The following TGFBR3 variants were observed in gnomAD, a reference collection of about 807,000 sequenced individuals.
TGFBR3 encodes the protein transforming growth factor beta receptor type 3.
TGFBR3 carries 46 observed loss-of-function variants against 87.9 expected under a neutral mutation model. The ratio of observed to expected loss-of-function variants is 0.52; its 90% CI spans 0.41 to 0.67. The LOEUF is 0.67. Ranked by LOEUF, TGFBR3 falls within the 30% of genes least tolerant of loss-of-function variation. TGFBR3 has a pLI of 0.00. For synonymous variants in TGFBR3, 381 were observed against 391.6 expected, an observed-to-expected ratio of 0.97 and a Z score of 0.32; for missense variants, 866 against 1,041.9, an observed-to-expected ratio of 0.83 and a Z score of 2.32.
intron 2 of TGFBR3, among the ~76,000 whole-genome samples, chr1:91,828,338 A>G (rs934092155): frequency 8.5e-5 from 13 of 152,204 alleles, no homozygotes; most frequent in African/African-American, 2.9e-4. Context: ...TCAAAGGAAA[A>G]AGAGTTTGCC....
chr1:91,779,597 G>T (rs1674692791), intron 3 of TGFBR3, among the ~76,000 whole-genome samples: 1 of 152,220 alleles, frequency 6.6e-6, no homozygotes, highest in African/African-American at 2.4e-5. Context: ...AATAGGATTG[G>T]ATATGACATC....
chr1:91,830,665 A>G (rs12726500), intron 2 of TGFBR3, among the ~76,000 whole-genome samples: 1 of 151,814 alleles, frequency 6.6e-6, no homozygotes, highest in African/African-American at 2.4e-5. Flanking sequence ...CAGATACACA[A>G]GTGATTTCAG....
chr1:91,738,437 C>G (rs1419759658), intron 4 of TGFBR3, among the ~76,000 whole-genome samples: 1 of 152,116 alleles, frequency 6.6e-6, no homozygotes, highest in Non-Finnish European at 1.5e-5. Context: ...TTAGGCCATC[C>G]CCTTGGTAAT....
intron 6 of TGFBR3, 133 bp downstream of exon 6, chr1:91,729,672 C>A (rs761322781): frequency 2.5e-5 from 25 of 1,015,968 alleles, no homozygotes; most frequent in Non-Finnish European, 3.7e-5. Context: ...TTCCCTCCTG[C>A]GTGAAGCATC....
intron 2 of TGFBR3, among the ~76,000 whole-genome samples, chr1:91,806,754 C>T (rs1675848680): frequency 6.6e-6 from 1 of 152,150 alleles, no homozygotes. Context: ...ATTCTAATGA[C>T]ACCATTGGCT....
chr1:91,757,290 T>C (rs1018824950), intron 4 of TGFBR3, among the ~76,000 whole-genome samples: 39 of 152,226 alleles, frequency 2.6e-4, no homozygotes, highest in African/African-American at 9.2e-4. Context: ...CTGGCAAAAA[T>C]ACCACAAAAG....
At chr1:91,809,000 A>G (rs1329252834) in intron 2 of TGFBR3, among the ~76,000 whole-genome samples, 2 of 152,242 alleles carry the variant, frequency 1.3e-5, no homozygotes, top group Non-Finnish European at 2.9e-5. Context: ...ATACAAAATA[A>G]CTGAAGGATA....
intron 4 of TGFBR3, among the ~76,000 whole-genome samples, chr1:91,738,266 T>C (rs1247720873): frequency 1.3e-5 from 2 of 152,228 alleles, no homozygotes; most frequent in East Asian, 3.8e-4. Flanking sequence ...ACATTAGCTT[T>C]GGCATCAGCT....
intron 15 of TGFBR3, among the ~76,000 whole-genome samples, chr1:91,696,701 A>G (rs907452548): frequency 2.0e-5 from 3 of 152,242 alleles, no homozygotes; most frequent in South Asian, 4.1e-4. Context: ...GGTTTTGAAT[A>G]TAAGTGGGAA....
chr1:91,850,063 A>G (rs1677662203), intron 2 of TGFBR3, among the ~76,000 whole-genome samples: 1 of 144,984 alleles, frequency 6.9e-6, no homozygotes, highest in African/African-American at 2.6e-5. Context: ...CCTGGGCAAC[A>G]GAGCAAGACT....
At chr1:91,752,784 A>G (rs1316850019) in intron 4 of TGFBR3, among the ~76,000 whole-genome samples, 1 of 152,098 alleles carries the variant, frequency 6.6e-6, no homozygotes, top group African/African-American at 2.4e-5. Context: ...GTACTTTGGG[A>G]GGCCAAGGCA....
rs181487368 is a variant in TGFBR3 at position 91,861,624 on chromosome 1, T to C, written c.-93A>G. ...AAATCAGAAGTAGTCTTAAAGTCCC[T>C]CCTTGCAATTTTCAAACTGCCTGTA... is the stretch of plus-strand genomic sequence containing the variant. On this transcript the variant is annotated 5_prime_UTR_variant, in exon 2 of 17. Transcript: ENST00000212355. 1.5e-5 allele frequency: 15 copies of C among 987,772 alleles called. No individual in the cohort carries two copies. The highest frequency in any genetic ancestry group is 4.1e-4 in the Middle Eastern group (2 of 4,878). 61.2% of individuals were successfully genotyped at this position (987,772 alleles called of 1,614,324 possible). A position where few individuals can be genotyped will look rare whatever the true frequency, so the allele number is the denominator to read the frequency against.
rs566427028 is a variant in TGFBR3 at position 91,881,878 on chromosome 1, A to C, written c.-114+4000T>G. 7.2e-5 allele frequency among the ~76,000 whole-genome samples: 11 copies of C among 151,920 alleles called. No homozygotes were observed. In the East Asian group the frequency reaches 2.0e-3, roughly 27 times the overall value. On this transcript the variant is annotated intron_variant, in intron 1 of 16. Coordinates refer to ENST00000212355, the MANE Select transcript of TGFBR3 (RefSeq NM_003243.5). ...CACAGTGAAGCCCCGTCTCTACGAAAAATATAAAAAATTAGTCGGGCGTGG... is the reference window on the plus strand; with the variant it reads ...CACAGTGAAGCCCCGTCTCTACGAACAATATAAAAAATTAGTCGGGCGTGG...
chr1:91,780,022 C>T (rs1674704315), intron 3 of TGFBR3, among the ~76,000 whole-genome samples: 1 of 152,122 alleles, frequency 6.6e-6, no homozygotes. Flanking sequence ...ACAGTCTTCC[C>T]TTTTGTCTGT....
intron 2 of TGFBR3, among the ~76,000 whole-genome samples, chr1:91,839,633 A>C (rs1230881565): frequency 6.6e-6 from 1 of 152,126 alleles, no homozygotes; most frequent in Non-Finnish European, 1.5e-5. Flanking sequence ...CCTCAATGTA[A>C]TCCTGAGAGA....
intron 16 of TGFBR3, among the ~76,000 whole-genome samples, chr1:91,694,391 C>T (rs142635750): frequency 2.0e-5 from 3 of 152,330 alleles, no homozygotes; most frequent in African/African-American, 7.2e-5. Context: ...CAAGAGGTTG[C>T]CTTTTGGGTG....
chr1:91,722,040 C>A lies in TGFBR3; in HGVS notation c.990G>T (p.Trp330Cys). The stretch of plus-strand genomic sequence containing the variant: ...TTGGACTATAGCCATTGTCCAAAGC[C>A]CACTTCACCAGATTCCCTTGGGTTG... ...IPSTQGNLVK[W>C]ALDNGYSPIT... Residue 330 changes from tryptophan (W) to cysteine (C), a missense_variant, in exon 8 of 17, where the codon TGG (tryptophan) becomes TGT (cysteine). Trp to Cys is a radical substitution (Grantham distance 215). Coordinates refer to ENST00000212355, the MANE Select transcript of TGFBR3 (RefSeq NM_003243.5). The A allele has an allele frequency of 1.2e-6, 2 of 1,613,792 alleles. No homozygotes were observed. The highest frequency in any genetic ancestry group is 1.7e-6 in the Non-Finnish European group (2 of 1,179,868).
intron 15 of TGFBR3, 88 bp from the exon 16 acceptor site, chr1:91,695,867 A>T: frequency 9.3e-7 from 1 of 1,080,772 alleles, no homozygotes; most frequent in Non-Finnish European, 1.4e-6. Flanking sequence ...AAGCACTGTC[A>T]TAAAGGTTGA....
In TGFBR3 at chr1:91,886,028, A is replaced by G; in HGVS notation, c.-264T>C. 1 of 453,602 alleles carries G rather than the reference A, an allele frequency of 2.2e-6. No homozygotes were observed. The highest frequency in any genetic ancestry group is 1.6e-5 in the South Asian group (1 of 64,430). The allele number at this position is 453,602 out of a possible 1,614,324, so 28.1% of individuals were successfully genotyped here. The stretch of plus-strand genomic sequence containing the variant: ...CCATCCGGACCCGCTGGGGACTCTC[A>G]CCTCCTGCAGGGAGCTCCGGGAATC... On this transcript the variant is annotated 5_prime_UTR_variant, in exon 1 of 17. Transcript: ENST00000212355.
Sources: gnomAD v4.1 joint callset for allele counts (sites outside exome capture counted in the v4.1 genomes callset) on GRCh38, gnomAD v4.1.1 for gene constraint, MANE v1.5 for transcripts, NCBI Gene and HGNC (gene_info 2026-07-23, HGNC 2026-07-21) for gene names.